C17orf99: variants seen among roughly 807,000 people sequenced by gnomAD.
C17orf99 encodes the protein chromosome 17 open reading frame 99, also known as protein IL-40.
Under a neutral mutation model 22.6 loss-of-function variants are expected in C17orf99, and 18 were observed. The ratio of observed to expected loss-of-function variants is 0.80; its 90% CI spans 0.55 to 1.18. C17orf99 has a LOEUF of 1.18. Ranked by LOEUF, C17orf99 falls within the 50% of genes most tolerant of loss-of-function variation. C17orf99 has a pLI of 0.00. For synonymous variants in C17orf99, 147 were observed against 136.6 expected (o/e 1.08, Z -0.53); for missense variants, 328 against 342.7 (o/e 0.96, Z 0.34).
At chr17:78,165,628 C>A (rs1413096252) in intron 4 of C17orf99, 1 of 917,114 alleles carries the variant, frequency 1.1e-6, no homozygotes, top group Non-Finnish European at 1.3e-6. Flanking sequence ...CATGAAGAAA[C>A]CCCGTCTCTA....
At position 78,164,338 on chromosome 17, in the gene C17orf99, A is replaced by G; in HGVS notation, c.614A>G (p.His205Arg). ...GCTGCAAACAACGCCAATGTCCAGC[A>G]CAGCGCCCTCACAGTGGTGCCCCCA... ...CQAANNANVQ[H>R]SALTVVPPGG... The change falls in exon 4 of 5, where the codon CAC becomes CGC. Residue 205 changes from histidine to arginine, a missense_variant. Physicochemically the swap from His to Arg is conservative, Grantham distance 29. Coordinates refer to ENST00000340363, the MANE Select transcript of C17orf99 (RefSeq NM_001163075.2). 6.4e-7 allele frequency: 1 copy of G among 1,551,556 alleles called. No individual in the cohort carries two copies. Among genetic ancestry groups the G allele is most frequent in the South Asian group, 1.2e-5 (1 of 84,068 alleles).
chr17:78,151,476 C>T (rs1021187317), intron 2 of C17orf99, among the ~76,000 whole-genome samples: 1 of 133,848 alleles, frequency 7.5e-6, no homozygotes, highest in Admixed American at 7.3e-5. Context: ...CAAAAAACAA[C>T]ACCAACAAGG....
chr17:78,147,311 T>C (rs367564106), intron 2 of C17orf99, among the ~76,000 whole-genome samples: 2 of 152,164 alleles, frequency 1.3e-5, no homozygotes, highest in Non-Finnish European at 2.9e-5. Flanking sequence ...TGGGGAATTC[T>C]GGTGGGGCCT....
intron 2 of C17orf99, chr17:78,157,858 T>C: frequency 9.7e-7 from 1 of 1,028,610 alleles, no homozygotes; most frequent in Non-Finnish European, 1.5e-6. Flanking sequence ...GCCGGCCACG[T>C]AAGATCGTCG....
intron 3 of C17orf99, among the ~76,000 whole-genome samples, chr17:78,163,502 T>C (rs745341199): frequency 2.6e-5 from 4 of 152,256 alleles, no homozygotes; most frequent in Non-Finnish European, 5.9e-5. Flanking sequence ...AGATTATTCA[T>C]TGTTTATCTG....
Position 78,166,004 on chromosome 17 carries a change from A to G in C17orf99, c.756A>G (p.Ile252Met). ...LSEEEFGGFR[I>M]GNGEVRGRKA... ...AAGAGGAGTTTGGGGGGTTCAGGATAGGGAATGGGGAGGTCAGAGGACGCA... is the reference window on the plus strand; with the variant it reads ...AAGAGGAGTTTGGGGGGTTCAGGATGGGGAATGGGGAGGTCAGAGGACGCA... Residue 252 changes from isoleucine to methionine, a missense_variant, in exon 5 of 5, where the codon ATA (isoleucine) becomes ATG (methionine). Ile to Met is a conservative substitution (Grantham distance 10). Transcript: ENST00000340363. The G allele has an allele frequency of 1.3e-6, 2 of 1,484,462 alleles. No individual in the cohort carries two copies. Among genetic ancestry groups the G allele is most frequent in the South Asian group, 1.4e-5 (1 of 73,112 alleles). The allele number at this position is 1,484,462 out of a possible 1,614,324, so 92.0% of individuals were successfully genotyped here.
In C17orf99 at chr17:78,146,975, A is replaced by G. The variant is rs2075442404; in HGVS notation, c.70+64A>G. 2 of 1,418,678 alleles carry G rather than the reference A, an allele frequency of 1.4e-6. No homozygotes were observed. Among genetic ancestry groups the G allele is most frequent in the East Asian group, 2.5e-5 (1 of 40,168 alleles). 87.9% of individuals were successfully genotyped at this position (1,418,678 alleles called of 1,614,324 possible). ...CTGGGACCCTGGTGTCAGAACCCCC[A>G]TGGTGGAGGGCGCCTCGGCTGGGAA... On this transcript the variant is annotated intron_variant, in intron 2 of 4. Transcript: ENST00000340363. The surrounding 1 kb of genome is among the most constrained non-coding windows in gnomAD (Gnocchi z 5.2).
intron 2 of C17orf99, among the ~76,000 whole-genome samples, chr17:78,147,535 G>C (rs572211439): frequency 6.6e-6 from 1 of 152,206 alleles, no homozygotes; most frequent in South Asian, 2.1e-4. Context: ...CCTCATCTTT[G>C]CCTGCTCCAT....
chr17:78,155,062 G>A (rs1349071326), intron 2 of C17orf99, among the ~76,000 whole-genome samples: 1 of 151,686 alleles, frequency 6.6e-6, no homozygotes, highest in East Asian at 1.9e-4. Context: ...GGCTGACTGT[G>A]CACTGTAGGA....
chr17:78,159,972 T>TA (rs1408429176), intron 2 of C17orf99: 5 of 438,726 alleles, frequency 1.1e-5, no homozygotes, highest in African/African-American at 6.1e-5. Context: ...CGTCCATTGA[T>TA]AGATATTTGG....
intron 2 of C17orf99, 37 bp from the exon 3 acceptor site, chr17:78,160,918 G>C (rs1363121825): frequency 1.3e-6 from 2 of 1,512,722 alleles, no homozygotes; most frequent in Non-Finnish European, 1.8e-6. Flanking sequence ...ATCAATGTCG[G>C]TTTCTTTCTT....
rs1469736260 is a variant in C17orf99, at chr17:78,164,004, A to G, written c.371-91A>G. 6 of 1,154,652 alleles carry G rather than the reference A, an allele frequency of 5.2e-6. No homozygotes were observed. The Middle Eastern group carries it at 5.9e-4, about 114-fold the overall frequency. The allele number at this position is 1,154,652 out of a possible 1,614,324, so 71.5% of individuals were successfully genotyped here. Reference sequence around the variant, plus strand: ...GGAGGCGGCAGCCACAGCTAAGCTCATTAGGCATTTTGTAATGAGGAGAAC... The same window carrying G: ...GGAGGCGGCAGCCACAGCTAAGCTCGTTAGGCATTTTGTAATGAGGAGAAC... On this transcript the variant is annotated intron_variant, in intron 3 of 4. Coordinates refer to ENST00000340363, the MANE Select transcript of C17orf99 (RefSeq NM_001163075.2).
At chr17:78,146,314 C>A, upstream of C17orf99, 1 of 1,189,450 alleles carries the variant, frequency 8.4e-7, no homozygotes, top group Non-Finnish European at 1.2e-6. This position sits in a 1 kb window ranked among gnomAD's most constrained non-coding sequence, Gnocchi z 5.2. Context: ...CTGCAGGCAC[C>A]CACCCAGGGA....
chr17:78,150,645 C>A (rs553682905), intron 2 of C17orf99, among the ~76,000 whole-genome samples: 2 of 152,252 alleles, frequency 1.3e-5, no homozygotes, highest in African/African-American at 4.8e-5. Context: ...AAGGTGTTGT[C>A]CCCCTTTGTC....
At chr17:78,150,520 G>A (rs2075473684) in intron 2 of C17orf99, among the ~76,000 whole-genome samples, 1 of 152,152 alleles carries the variant, frequency 6.6e-6, no homozygotes. Flanking sequence ...CTTCAAGGAG[G>A]GATAGGTGTT....
At chr17:78,164,066 G>A in intron 3 of C17orf99, 29 bp from the exon 4 acceptor site, 1 of 1,540,868 alleles carries the variant, frequency 6.5e-7, no homozygotes, top group South Asian at 1.2e-5. Flanking sequence ...GCTCAGCCAT[G>A]CCTGTGCTAC....
At chr17:78,165,040 A>C in intron 4 of C17orf99, 1 of 1,071,016 alleles carries the variant, frequency 9.3e-7, no homozygotes, top group Non-Finnish European at 1.1e-6. Flanking sequence ...TGTGAGAACC[A>C]CCTTGGGCAG....
At position 78,157,343 on chromosome 17, in the gene C17orf99, C is replaced by T. The variant is rs1033963334; in HGVS notation, c.71-3612C>T. The T allele has an allele frequency of 1.9e-5, 14 of 754,974 alleles. No homozygotes were observed. In the African/African-American group the frequency reaches 1.9e-4, roughly 10 times the overall value. The allele number at this position is 754,974 out of a possible 1,614,324, so 46.8% of individuals were successfully genotyped here. On this transcript the variant is annotated intron_variant, in intron 2 of 4. Transcript: ENST00000340363. ...CTGTGTTCAGCAGCGGCGGCGGCGG[C>T]GGCGGTGGGCTCGGAGGCTCACAGC...
chr17:78,165,018 G>A (rs1278431466), intron 4 of C17orf99: 20 of 1,080,772 alleles, frequency 1.9e-5, no homozygotes, highest in Non-Finnish European at 2.3e-5. Flanking sequence ...TGGACCAGGA[G>A]CTCCTGCCTT....
Sources: allele counts gnomAD v4.1 joint callset (sites outside exome capture counted in the v4.1 genomes callset), GRCh38; gene constraint gnomAD v4.1.1; non-coding constraint Gnocchi (gnomAD v3.1); transcripts MANE v1.5; gene names NCBI Gene and HGNC (gene_info 2026-07-23, HGNC 2026-07-21).